The following KCNQ3 variants were observed in gnomAD, a reference collection of about 807,000 sequenced individuals.
KCNQ3 encodes potassium voltage-gated channel subfamily Q member 3.
Under a neutral mutation model 92.5 loss-of-function variants are expected in KCNQ3, and 30 were observed. The observed-to-expected ratio is 0.32, with a 90% CI of 0.24 to 0.44. The LOEUF (loss-of-function observed/expected upper bound fraction) is 0.44, where lower values mean the gene tolerates loss of function less well. Ranked by LOEUF, KCNQ3 falls within the 20% of genes least tolerant of loss-of-function variation. KCNQ3 has a pLI of 1.00. For synonymous variants in KCNQ3, 450 were observed against 468.8 expected, an observed-to-expected ratio of 0.96 and a Z score of 0.52; for missense variants, 913 against 1,140.3, an observed-to-expected ratio of 0.80 and a Z score of 2.87.
rs553340676 is a variant in KCNQ3 at position 132,290,146 on chromosome 8, G to C, written c.387-103965C>G. Among the ~76,000 whole-genome samples, 55 of 152,302 alleles carry C rather than the reference G, an allele frequency of 3.6e-4. No homozygotes were observed. The Middle Eastern group carries it at 0.01, about 28-fold the overall frequency. ...ATATCAAATCTGAAATCCTAATAAA[G>C]AGCAGAACATTCACAACTAATACTC... is the stretch of plus-strand genomic sequence containing the variant. On this transcript the variant is annotated intron_variant, in intron 1 of 14. Coordinates refer to ENST00000388996, the MANE Select transcript of KCNQ3 (RefSeq NM_004519.4).
rs375420261 is a variant in KCNQ3, at chr8:132,344,490, T to C, written c.386+135657A>G. On this transcript the variant is annotated intron_variant, in intron 1 of 14. Transcript: ENST00000388996. ...TGAGCACTGTTCTGAGAACTTGCTA[T>C]GTATTAACTCTGACTCCTCAAGAAA... Among the ~76,000 whole-genome samples, 178 of 152,332 alleles carry C rather than the reference T, an allele frequency of 1.2e-3. 1 individual carries two copies. The highest frequency in any genetic ancestry group is 4.0e-3 in the African/African-American group (166 of 41,574).
chr8:132,288,860 G>A (rs545950916), intron 1 of KCNQ3, among the ~76,000 whole-genome samples: 2 of 152,236 alleles, frequency 1.3e-5, no homozygotes, highest in East Asian at 3.9e-4. Context: ...TCAACAGCAT[G>A]GCAACATGGT....
At chr8:132,240,182 C>CT (rs11342824) in intron 1 of KCNQ3, among the ~76,000 whole-genome samples, 52,716 of 111,960 alleles carry the variant, frequency 0.47, 13,715 homozygotes, top group East Asian at 0.69. Context: ...TGCCATGATT[C>CT]TTTTTTTTTT....
chr8:132,320,590 T>A (rs1432754437), intron 1 of KCNQ3, among the ~76,000 whole-genome samples: 1 of 152,082 alleles, frequency 6.6e-6, no homozygotes, highest in African/African-American at 2.4e-5. Flanking sequence ...TATTACCCCA[T>A]TCAATTCTGA....
chr8:132,347,834 G>A (rs563761965), intron 1 of KCNQ3, among the ~76,000 whole-genome samples: 2 of 151,886 alleles, frequency 1.3e-5, no homozygotes, highest in South Asian at 2.1e-4. Flanking sequence ...ACAATTAGCC[G>A]GGCCTGGTGG....
intron 9 of KCNQ3, among the ~76,000 whole-genome samples, chr8:132,144,255 TCA>T (rs1398973639): frequency 7.9e-5 from 12 of 152,238 alleles, no homozygotes; most frequent in Non-Finnish European, 2.9e-5. Flanking sequence ...TCAGAATTGC[TCA>T]CAGCCATTGC....
At chr8:132,419,828 T>C (rs1820917889) in intron 1 of KCNQ3, among the ~76,000 whole-genome samples, 1 of 152,238 alleles carries the variant, frequency 6.6e-6, no homozygotes, top group Admixed American at 6.5e-5. Context: ...TGATAAGTCC[T>C]GTAATTGAGC....
intron 1 of KCNQ3, among the ~76,000 whole-genome samples, chr8:132,362,147 T>A (rs1344180788): frequency 6.6e-6 from 1 of 152,170 alleles, no homozygotes; most frequent in Non-Finnish European, 1.5e-5. Context: ...ACGATTTTCT[T>A]TAGCAATCTT....
At chr8:132,434,109 G>A (rs1002001783) in intron 1 of KCNQ3, among the ~76,000 whole-genome samples, 2 of 149,520 alleles carry the variant, frequency 1.3e-5, no homozygotes, top group African/African-American at 4.9e-5. Flanking sequence ...TTGGGAGGCT[G>A]AGGCAGGAGA....
chr8:132,425,669 T>C (rs761120198), intron 1 of KCNQ3, among the ~76,000 whole-genome samples: 1 of 152,160 alleles, frequency 6.6e-6, no homozygotes, highest in African/African-American at 2.4e-5. Context: ...ACGCAGGAAG[T>C]TTGTTGTTTC....
intron 1 of KCNQ3, among the ~76,000 whole-genome samples, chr8:132,447,537 G>A (rs1490203361): frequency 2.6e-5 from 4 of 152,164 alleles, no homozygotes; most frequent in Non-Finnish European, 5.9e-5. Flanking sequence ...GAAAAAGAAG[G>A]AGCAGAGTAG....
chr8:132,137,043 G>A (rs956939045), intron 12 of KCNQ3, among the ~76,000 whole-genome samples: 1 of 101,806 alleles, frequency 9.8e-6, no homozygotes, highest in African/African-American at 3.5e-5. Context: ...TTTTTTTTTT[G>A]TATTTTTAGT....
At chr8:132,153,013 T>C (rs1420000522) in intron 9 of KCNQ3, among the ~76,000 whole-genome samples, 1 of 152,228 alleles carries the variant, frequency 6.6e-6, no homozygotes, top group African/African-American at 2.4e-5. Flanking sequence ...AGAGGAATTA[T>C]GTTTCAAAAC....
At chr8:132,316,032 C>T (rs981210407) in intron 1 of KCNQ3, among the ~76,000 whole-genome samples, 1 of 152,146 alleles carries the variant, frequency 6.6e-6, no homozygotes, top group Non-Finnish European at 1.5e-5. Context: ...TTACTAACAA[C>T]GACCCTGGAA....
intron 1 of KCNQ3, among the ~76,000 whole-genome samples, chr8:132,190,521 G>A (rs1449507663): frequency 6.6e-6 from 1 of 152,228 alleles, no homozygotes; most frequent in Non-Finnish European, 1.5e-5. Context: ...GCAAGGAACT[G>A]TGGGATTCTT....
At chr8:132,309,343 C>A (rs182491687) in intron 1 of KCNQ3, among the ~76,000 whole-genome samples, 78 of 152,318 alleles carry the variant, frequency 5.1e-4, no homozygotes, top group Non-Finnish European at 1.0e-3. Context: ...CTCATTAATT[C>A]ATTATTCCAC....
chr8:132,439,146 C>T (rs2130834729), intron 1 of KCNQ3, among the ~76,000 whole-genome samples: 2 of 152,002 alleles, frequency 1.3e-5, no homozygotes, highest in East Asian at 3.9e-4. Context: ...AGATTTCCCA[C>T]ATCCCTAACC....
chr8:132,229,044 A>G (rs755644468), intron 1 of KCNQ3, among the ~76,000 whole-genome samples: 9 of 152,170 alleles, frequency 5.9e-5, no homozygotes, highest in Non-Finnish European at 1.2e-4. Flanking sequence ...TCACGAGGTC[A>G]AGAGATTGAT....
intron 1 of KCNQ3, among the ~76,000 whole-genome samples, chr8:132,339,831 G>C (rs1818467402): frequency 6.6e-6 from 1 of 151,980 alleles, no homozygotes; most frequent in African/African-American, 2.4e-5. Context: ...GCGACACCCA[G>C]ACCCTGGGAA....
Sources: allele counts gnomAD v4.1 joint callset (sites outside exome capture counted in the v4.1 genomes callset), GRCh38; gene constraint gnomAD v4.1.1; transcripts MANE v1.5; gene names NCBI Gene and HGNC (gene_info 2026-07-23, HGNC 2026-07-21).